RALY: variants seen among roughly 807,000 people sequenced by gnomAD.
RALY encodes the protein RALY heterogeneous nuclear ribonucleoprotein.
In RALY, 15 loss-of-function variants were observed where a neutral mutation model predicts 30.7. The ratio of observed to expected loss-of-function variants is 0.49; its 90% CI spans 0.33 to 0.75. RALY has a LOEUF of 0.75. Ranked by LOEUF, RALY falls within the 30% of genes least tolerant of loss-of-function variation. The pLI, the probability that RALY is intolerant of heterozygous loss-of-function variation, is 0.02. For synonymous variants in RALY, 177 were observed against 170.8 expected (o/e 1.04, Z -0.28); for missense variants, 339 against 414.3 (o/e 0.82, Z 1.58).
In RALY at chr20:34,073,803, C is replaced by T. The variant is rs2033798199; in HGVS notation, c.330-16C>T. 2.5e-6 allele frequency: 4 copies of T among 1,613,744 alleles called. No individual in the cohort carries two copies. In the South Asian group the frequency reaches 3.3e-5, roughly 13 times the overall value. The stretch of plus-strand genomic sequence containing the variant: ...GCCGTCCCTAAGCTCCAGCCCTCTC[C>T]CCTTTGTTTCCCCAGTGGCTACATC... On this transcript the variant is annotated splice_polypyrimidine_tract_variant and intron_variant, in intron 4 of 9. Transcript: ENST00000246194.
intron 2 of RALY, among the ~76,000 whole-genome samples, chr20:34,069,021 C>G (rs1568692950): frequency 6.6e-6 from 1 of 152,194 alleles, no homozygotes; most frequent in Non-Finnish European, 1.5e-5. Flanking sequence ...CTCCTTTTAA[C>G]TGCAGATTTC....
intron 2 of RALY, among the ~76,000 whole-genome samples, chr20:34,057,425 T>C (rs1057295854): frequency 6.6e-6 from 1 of 152,140 alleles, no homozygotes. Context: ...CCCAGCACTT[T>C]GGGAGGCTGA....
chr20:34,018,595 T>C (rs2031696233), intron 1 of RALY, among the ~76,000 whole-genome samples: 1 of 152,246 alleles, frequency 6.6e-6, no homozygotes, highest in Non-Finnish European at 1.5e-5. Context: ...GAAGATATGC[T>C]AAGTACCCCT....
chr20:34,079,799 ATC>A (rs1413024929), intron 9 of RALY, 109 bp from the exon 10 acceptor site: 1 of 152,308 alleles, frequency 6.6e-6, no homozygotes, highest in Non-Finnish European at 1.5e-5. Flanking sequence ...GAGTGCAAGA[ATC>A]TCTCTGTCTC....
intron 1 of RALY, among the ~76,000 whole-genome samples, chr20:34,013,749 A>G (rs2031501055): frequency 1.3e-5 from 2 of 152,304 alleles, no homozygotes; most frequent in African/African-American, 2.4e-5. Context: ...TCTCTCATTC[A>G]TTGGATCGAG....
intron 2 of RALY, among the ~76,000 whole-genome samples, chr20:34,040,566 C>G (rs575334580): frequency 5.9e-4 from 90 of 152,324 alleles, no homozygotes; most frequent in African/African-American, 2.0e-3. Context: ...TGGGGTTCAT[C>G]CCCGAGTCTT....
intron 2 of RALY, among the ~76,000 whole-genome samples, chr20:34,068,207 C>G (rs1479604912): frequency 1.3e-5 from 2 of 152,250 alleles, no homozygotes; most frequent in East Asian, 1.9e-4. Context: ...ACACCTTGCT[C>G]TCAATTACAC....
rs2034059081 is a variant in RALY at position 34,083,340 on chromosome 20, C to G, written c.*3435C>G. On this transcript the variant is annotated 3_prime_UTR_variant, in exon 10 of 10. Coordinates refer to ENST00000246194, the MANE Select transcript of RALY (RefSeq NM_016732.3). ...CAGGTGGTTGGCTGGGCAACTGGGCCACACGTTCCAGCATCTAGCAGGCTG... is the reference window on the plus strand; with the variant it reads ...CAGGTGGTTGGCTGGGCAACTGGGCGACACGTTCCAGCATCTAGCAGGCTG... 2 of 152,178 alleles carry G rather than the reference C, an allele frequency of 1.3e-5. No individual in the cohort carries two copies. Among genetic ancestry groups the G allele is most frequent in the East Asian group, 3.8e-4 (2 of 5,196 alleles). The allele number at this position is 152,178 out of a possible 1,614,324, so 9.4% of individuals were successfully genotyped here.
Position 33,994,096 on chromosome 20 carries a change from C to T in RALY, c.-128C>T, listed in dbSNP as rs954433365. The T allele has an allele frequency of 2.0e-5, 3 of 152,460 alleles. No individual in the cohort carries two copies. Among genetic ancestry groups the T allele is most frequent in the African/African-American group, 4.8e-5 (2 of 41,474 alleles). The allele number at this position is 152,460 out of a possible 1,614,324, so 9.4% of individuals were successfully genotyped here. A position where few individuals can be genotyped will look rare whatever the true frequency, so the allele number is the denominator to read the frequency against. ...CGAGTGCGGCAGTACCGCCTCCTTC[C>T]CAGCCGCGCGGCTTCCTCCAGACCT... On this transcript the variant is annotated 5_prime_UTR_variant, in exon 1 of 10. Transcript: ENST00000246194.
At chr20:34,030,355 T>C (rs370460246) in intron 1 of RALY, among the ~76,000 whole-genome samples, 1 of 152,336 alleles carries the variant, frequency 6.6e-6, no homozygotes, top group East Asian at 1.9e-4. Context: ...AATGAGTTAA[T>C]ACAAATAAAA....
intron 1 of RALY, among the ~76,000 whole-genome samples, chr20:34,014,308 GGTCCTTTGGTCATAATTTT>G (rs1209203389): frequency 6.6e-6 from 1 of 152,132 alleles, no homozygotes; most frequent in Admixed American, 6.6e-5. Flanking sequence ...CTTGGCCTTT[GGTCCTTTGGTCATAATTTT>G]AAAATATGGG....
rs980008772 is a variant in RALY at position 34,076,598 on chromosome 20, A to C, written c.545-104A>C. On this transcript the variant is annotated intron_variant, in intron 6 of 9. Coordinates refer to ENST00000246194, the MANE Select transcript of RALY (RefSeq NM_016732.3). ...AAGCAGGGAAAAAACAAAACAAAAC[A>C]AAAAATAACTGCTTTCCTGGTTGAA... is the stretch of plus-strand genomic sequence containing the variant. 3.7e-5 allele frequency: 39 copies of C among 1,061,300 alleles called. No individual in the cohort carries two copies. The East Asian group carries it at 5.1e-4, about 14-fold the overall frequency. 65.7% of individuals were successfully genotyped at this position (1,061,300 alleles called of 1,614,324 possible). A position where few individuals can be genotyped will look rare whatever the true frequency, so the allele number is the denominator to read the frequency against.
At chr20:34,036,542 C>T (rs913111639) in intron 2 of RALY, among the ~76,000 whole-genome samples, 2 of 152,070 alleles carry the variant, frequency 1.3e-5, no homozygotes, top group East Asian at 3.8e-4. Context: ...TTAGGGTGGC[C>T]TCATGGAATG....
Position 34,078,500 on chromosome 20 carries a change from A to G in RALY, c.877-5A>G, listed in dbSNP as rs573283912. 5 of 1,582,020 alleles carry G rather than the reference A, an allele frequency of 3.2e-6. No individual in the cohort carries two copies. In the African/African-American group the frequency reaches 6.8e-5, roughly 21 times the overall value. On this transcript the variant is annotated splice_polypyrimidine_tract_variant and splice_region_variant and intron_variant, in intron 8 of 9. Coordinates refer to ENST00000246194, the MANE Select transcript of RALY (RefSeq NM_016732.3). ...GTGTGGTCTCTCTTACCTCCTCCCT[A>G]TCAGGAACACAGCCAGGACACAGAC...
rs1410600928 is a variant in RALY at position 34,081,022 on chromosome 20, G to T, written c.*1117G>T. 1.3e-5 allele frequency: 2 copies of T among 152,134 alleles called. No homozygotes were observed. Among genetic ancestry groups the T allele is most frequent in the East Asian group, 3.9e-4 (2 of 5,188 alleles). 9.4% of individuals were successfully genotyped at this position (152,134 alleles called of 1,614,324 possible). On this transcript the variant is annotated 3_prime_UTR_variant, in exon 10 of 10. Transcript: ENST00000246194. ...ACATTTGTTCTCTAACAATCAGCCG[G>T]GTTCCTTCAAACGTGTGCTGCTTAT...
At chr20:34,054,255 T>A (rs964204528) in intron 2 of RALY, among the ~76,000 whole-genome samples, 2 of 152,184 alleles carry the variant, frequency 1.3e-5, no homozygotes, top group African/African-American at 4.8e-5. Context: ...TGGTTGCTAG[T>A]ATAGTGCTGG....
intron 1 of RALY, among the ~76,000 whole-genome samples, chr20:34,025,690 A>ATTT (rs1407375037): frequency 1.3e-5 from 2 of 151,882 alleles, no homozygotes; most frequent in South Asian, 2.1e-4. Flanking sequence ...CTATTTTAAA[A>ATTT]AAAAAAAAAA....
At chr20:34,017,072 G>A (rs1253291803) in intron 1 of RALY, among the ~76,000 whole-genome samples, 7 of 14,882 alleles carry the variant, frequency 4.7e-4, no homozygotes, top group Non-Finnish European at 2.2e-4. Context: ...CTGAACAAAC[G>A]GGGAAATGGT....
chr20:34,044,374 G>A lies in RALY; in HGVS notation c.-10+12770G>A, dbSNP rs187926148. On this transcript the variant is annotated intron_variant, in intron 2 of 9. Coordinates refer to ENST00000246194, the MANE Select transcript of RALY (RefSeq NM_016732.3). Reference sequence around the variant, plus strand: ...GGGTTTTTCTCTTATTGCCCAGACCGGAATGGCAATGGCGTGATTTTGGCT... The same window carrying A: ...GGGTTTTTCTCTTATTGCCCAGACCAGAATGGCAATGGCGTGATTTTGGCT... 3.3e-3 allele frequency among the ~76,000 whole-genome samples: 501 copies of A among 151,676 alleles called. 1 individual carries two copies. The highest frequency in any genetic ancestry group is 6.1e-3 in the Non-Finnish European group (412 of 67,936).
Sources: gnomAD v4.1 joint callset for allele counts (sites outside exome capture counted in the v4.1 genomes callset) on GRCh38, gnomAD v4.1.1 for gene constraint, MANE v1.5 for transcripts, NCBI Gene and HGNC (gene_info 2026-07-23, HGNC 2026-07-21) for gene names.